The following MAF variants were observed in gnomAD, a reference collection of about 807,000 sequenced individuals.
The protein encoded by MAF is MAF bZIP transcription factor, also known as transcription factor Maf.
A neutral mutation model predicts 22.0 loss-of-function variants in MAF; 10 were observed. That is an observed-to-expected ratio of 0.45 (90% CI 0.28 to 0.77). MAF has a LOEUF of 0.77. Among genes scored for constraint, MAF ranks in the 30% least tolerant of loss-of-function variants. The pLI is 0.12. For synonymous variants in MAF, 337 were observed against 255.8 expected (o/e 1.32, Z -3.03); for missense variants, 544 against 548.4 (o/e 0.99, Z 0.08).
the MAF span, among the ~76,000 whole-genome samples, chr16:79,513,469 G>A: frequency 1.3e-5 from 2 of 152,216 alleles, no homozygotes; most frequent in Non-Finnish European, 2.9e-5. Context: ...CTGGAGCACA[G>A]CAGACGGTCA....
chr16:79,425,913 G>T, the MAF span, among the ~76,000 whole-genome samples: 1 of 152,182 alleles, frequency 6.6e-6, no homozygotes, highest in Non-Finnish European at 1.5e-5. Flanking sequence ...GCAACATTCA[G>T]ATTCTAAGTT....
At chr16:79,504,910 C>A in the MAF span, among the ~76,000 whole-genome samples, 1 of 152,196 alleles carries the variant, frequency 6.6e-6, no homozygotes, top group African/African-American at 2.4e-5. Flanking sequence ...AACACATACA[C>A]ACACAGTGTG....
rs200671196 is a variant in MAF, at chr16:79,598,883, C to T, written c.1020G>A (p.Glu340=). 4.2e-5 allele frequency: 68 copies of T among 1,613,760 alleles called. No homozygotes were observed. In the South Asian group the frequency reaches 5.1e-4, roughly 12 times the overall value. The stretch of plus-strand genomic sequence containing the variant: ...CGTATTTCTCCTTGTACGCGTCCCT[C>T]TCGCGCACCAGCCTGGAGATCTCCT... ...LKQEISRLVR[E]RDAYKEKYEK... The change falls in exon 1 of 2, where the codon GAG becomes GAA. Residue 340 remains glutamate (E), a synonymous_variant. Transcript: ENST00000326043.
the MAF span, among the ~76,000 whole-genome samples, chr16:79,347,573 C>T: frequency 2.0e-5 from 3 of 152,188 alleles, no homozygotes; most frequent in Non-Finnish European, 4.4e-5. Flanking sequence ...TCTTGCGCTT[C>T]GCATGCACCG....
At chr16:79,564,780 T>C in the MAF span, among the ~76,000 whole-genome samples, 1 of 152,178 alleles carries the variant, frequency 6.6e-6, no homozygotes, top group East Asian at 1.9e-4. Context: ...TCCAAACCTG[T>C]AATGGTTAAT....
At chr16:79,413,630 A>G in the MAF span, among the ~76,000 whole-genome samples, 6 of 152,128 alleles carry the variant, frequency 3.9e-5, no homozygotes, top group Non-Finnish European at 8.8e-5. Flanking sequence ...TAGAGTTATT[A>G]TAAGCATTAG....
the MAF span, among the ~76,000 whole-genome samples, chr16:79,574,834 G>A: frequency 2.6e-5 from 4 of 152,096 alleles, no homozygotes; most frequent in Admixed American, 2.6e-4. Context: ...CAGGGGAAAT[G>A]CAAAGCAACT....
the MAF span, among the ~76,000 whole-genome samples, chr16:79,548,933 G>T: frequency 2.6e-5 from 4 of 152,286 alleles, no homozygotes; most frequent in East Asian, 7.7e-4. Context: ...TCACTAGCTA[G>T]TTATTCTGTG....
the MAF span, among the ~76,000 whole-genome samples, chr16:79,464,021 C>A: frequency 8.7e-4 from 132 of 150,984 alleles, no homozygotes; most frequent in Non-Finnish European, 1.4e-3. Context: ...TATGTTTGGA[C>A]GGAGAAGGAA....
chr16:79,558,268 T>C, the MAF span, among the ~76,000 whole-genome samples: 5 of 151,638 alleles, frequency 3.3e-5, no homozygotes, highest in African/African-American at 1.2e-4. Flanking sequence ...AAAAAGTGAA[T>C]TGGAAACTAT....
chr16:79,305,064 G>T, the MAF span, among the ~76,000 whole-genome samples: 2 of 152,234 alleles, frequency 1.3e-5, no homozygotes, highest in Non-Finnish European at 2.9e-5. Flanking sequence ...CTACAGAATC[G>T]TGTGGAATGA....
the MAF span, among the ~76,000 whole-genome samples, chr16:79,246,047 G>C: frequency 2.0e-5 from 3 of 152,096 alleles, no homozygotes; most frequent in East Asian, 1.9e-4. Flanking sequence ...TCATATACCA[G>C]GGCCTGTCAG....
chr16:79,374,745 T>C, the MAF span, among the ~76,000 whole-genome samples: 93 of 152,238 alleles, frequency 6.1e-4, no homozygotes, highest in African/African-American at 2.1e-3. Context: ...ACATGGGAAA[T>C]TGGAAGAGGT....
chr16:79,242,783 A>C, the MAF span, among the ~76,000 whole-genome samples: 1 of 152,074 alleles, frequency 6.6e-6, no homozygotes, highest in Non-Finnish European at 1.5e-5. Flanking sequence ...ACTTATTCTA[A>C]AATTGACCAC....
chr16:79,347,090 G>C, the MAF span, among the ~76,000 whole-genome samples: 61 of 152,342 alleles, frequency 4.0e-4, no homozygotes, highest in African/African-American at 1.4e-3. Flanking sequence ...CTGGCACGCA[G>C]AGGGCTCTCA....
chr16:79,323,654 G>A, the MAF span, among the ~76,000 whole-genome samples: 3 of 152,264 alleles, frequency 2.0e-5, no homozygotes, highest in East Asian at 1.9e-4. Context: ...AGCTGGCACC[G>A]AGGTGAGCTG....
the MAF span, among the ~76,000 whole-genome samples, chr16:79,218,878 A>G: frequency 6.6e-6 from 1 of 152,168 alleles, no homozygotes. Context: ...TTGTAGCACT[A>G]CACAGATTCC....
chr16:79,575,215 T>G, the MAF span, among the ~76,000 whole-genome samples: 1 of 152,028 alleles, frequency 6.6e-6, no homozygotes, highest in African/African-American at 2.4e-5. Context: ...CAGTACAAGT[T>G]TCCCTCTCCC....
chr16:79,375,161 A>G, the MAF span, among the ~76,000 whole-genome samples: 1 of 152,200 alleles, frequency 6.6e-6, no homozygotes, highest in Non-Finnish European at 1.5e-5. Context: ...TAAAAAGTGG[A>G]TGGCTATTTT....
Sources: allele counts gnomAD v4.1 joint callset (sites outside exome capture counted in the v4.1 genomes callset), GRCh38; gene constraint gnomAD v4.1.1; transcripts MANE v1.5; gene names NCBI Gene and HGNC (gene_info 2026-07-23, HGNC 2026-07-21).